The following ELOVL6 variants were observed in gnomAD, a reference collection of about 807,000 sequenced individuals.
ELOVL6 encodes ELOVL fatty acid elongase 6.
In ELOVL6, 8 loss-of-function variants were observed where a neutral mutation model predicts 31.7. The observed-to-expected ratio is 0.25, with a 90% confidence interval of 0.15 to 0.45. The LOEUF (loss-of-function observed/expected upper bound fraction) is 0.45. ELOVL6 is among the 20% of genes least tolerant of loss of function. The probability of loss-of-function intolerance (pLI) is 1.00; values close to 1 mark genes in which losing one functional copy is unlikely to be tolerated. For missense variants in ELOVL6, 126 were observed against 326.4 expected, an observed-to-expected ratio of 0.39 and a Z score of 4.73; for synonymous variants, 101 against 117.7, an observed-to-expected ratio of 0.86 and a Z score of 0.92.
At chr4:110,196,487 C>T (rs947241153) in intron 1 of ELOVL6, among the ~76,000 whole-genome samples, 4 of 152,226 alleles carry the variant, frequency 2.6e-5, no homozygotes, top group Admixed American at 6.5e-5. Context: ...AGAGAAGGAC[C>T]CCGGGCGGTG....
intron 1 of ELOVL6, among the ~76,000 whole-genome samples, chr4:110,179,878 C>A (rs899941352): frequency 2.6e-5 from 4 of 152,194 alleles, no homozygotes; most frequent in African/African-American, 9.7e-5. Flanking sequence ...ACCATTAGCA[C>A]CTAATTTTAG....
chr4:110,158,657 A>ATATATATATATATATAT, intron 1 of ELOVL6, among the ~76,000 whole-genome samples: 11 of 74,158 alleles, frequency 1.5e-4, no homozygotes, highest in African/African-American at 6.6e-4. Context: ...ATATATATAT[A>ATATATATATATATATAT]TTTTTTTTTT....
At chr4:110,107,775 CT>C (rs745864331) in intron 1 of ELOVL6, among the ~76,000 whole-genome samples, 19 of 152,142 alleles carry the variant, frequency 1.2e-4, no homozygotes, top group African/African-American at 2.6e-4. Context: ...AAAGTATATA[CT>C]TTTTTTCTAA....
chr4:110,050,012 A>C lies in ELOVL6; in HGVS notation c.*1326T>G, dbSNP rs893579111. 2.6e-5 allele frequency: 4 copies of C among 152,366 alleles called. No homozygotes were observed. The highest frequency in any genetic ancestry group is 9.7e-5 in the African/African-American group (4 of 41,386). The allele number at this position is 152,366 out of a possible 1,614,324, so 9.4% of individuals were successfully genotyped here. Reference sequence around the variant, plus strand: ...AATATCTTCTGATTTGGCCAAAGACATGACAAGTATTTCATATCACTTAAA... The same window carrying C: ...AATATCTTCTGATTTGGCCAAAGACCTGACAAGTATTTCATATCACTTAAA... On this transcript the variant is annotated 3_prime_UTR_variant, in exon 4 of 4. Transcript: ENST00000302274.
At chr4:110,099,952 C>A (rs73839570) in intron 2 of ELOVL6, among the ~76,000 whole-genome samples, 13,746 of 152,182 alleles carry the variant, frequency 0.09, 1,387 homozygotes, top group African/African-American at 0.24. Flanking sequence ...TCTTTGCCAC[C>A]AGGAGCAATC....
chr4:110,122,907 C>T (rs956176483), intron 1 of ELOVL6, among the ~76,000 whole-genome samples: 1 of 152,216 alleles, frequency 6.6e-6, no homozygotes, highest in Non-Finnish European at 1.5e-5. Context: ...TCCCTGACTG[C>T]TTCTAGGTCA....
chr4:110,183,850 TG>T (rs1178887022), intron 1 of ELOVL6, among the ~76,000 whole-genome samples: 3 of 151,928 alleles, frequency 2.0e-5, no homozygotes, highest in Non-Finnish European at 4.4e-5. Context: ...TGCGTGGTGG[TG>T]TATGCCTGTG....
At chr4:110,098,446 A>C (rs573150037) in intron 2 of ELOVL6, among the ~76,000 whole-genome samples, 54 of 152,242 alleles carry the variant, frequency 3.5e-4, no homozygotes, top group African/African-American at 1.2e-3. Flanking sequence ...CTTTTTATCA[A>C]AGCTATTTTT....
At chr4:110,124,367 A>C (rs577705252) in intron 1 of ELOVL6, among the ~76,000 whole-genome samples, 47 of 152,338 alleles carry the variant, frequency 3.1e-4, no homozygotes, top group African/African-American at 1.1e-3. Context: ...ATGGAACACT[A>C]TGCAGCCATA....
chr4:110,057,874 A>T (rs1322907122), intron 3 of ELOVL6, among the ~76,000 whole-genome samples: 1 of 151,888 alleles, frequency 6.6e-6, no homozygotes, highest in Non-Finnish European at 1.5e-5. Flanking sequence ...AAAAAAAAAA[A>T]ATCACAAAAC....
chr4:110,138,990 T>C (rs1757880012), intron 1 of ELOVL6, among the ~76,000 whole-genome samples: 2 of 152,152 alleles, frequency 1.3e-5, no homozygotes, highest in Non-Finnish European at 2.9e-5. Context: ...TGGATAGATA[T>C]AGATATGTGT....
intron 1 of ELOVL6, among the ~76,000 whole-genome samples, chr4:110,154,115 C>T (rs1183156085): frequency 2.0e-5 from 3 of 152,142 alleles, no homozygotes; most frequent in Non-Finnish European, 4.4e-5. Flanking sequence ...CTTACTCTGT[C>T]ACCCAGGGTG....
intron 2 of ELOVL6, among the ~76,000 whole-genome samples, chr4:110,084,127 AT>A (rs1434989311): frequency 1.6e-5 from 1 of 63,538 alleles, no homozygotes; most frequent in Non-Finnish European, 2.5e-5. Flanking sequence ...TATAACATAT[AT>A]GTGATAATGA....
chr4:110,114,354 T>A (rs956926300), intron 1 of ELOVL6, among the ~76,000 whole-genome samples: 3 of 152,196 alleles, frequency 2.0e-5, no homozygotes, highest in Non-Finnish European at 2.9e-5. Flanking sequence ...TTCTTTTTTT[T>A]AGATCTTCTT....
intron 1 of ELOVL6, among the ~76,000 whole-genome samples, chr4:110,184,035 T>C (rs1759372369): frequency 6.6e-6 from 1 of 152,188 alleles, no homozygotes; most frequent in Non-Finnish European, 1.5e-5. Flanking sequence ...TCTCTCTGAT[T>C]GGAATAGATA....
At chr4:110,164,561 G>A (rs1412406229) in intron 1 of ELOVL6, among the ~76,000 whole-genome samples, 3 of 151,826 alleles carry the variant, frequency 2.0e-5, no homozygotes, top group African/African-American at 4.8e-5. Context: ...GCAACGTGGC[G>A]AAAGCCCATC....
rs200586903 is a variant in ELOVL6, at chr4:110,084,313, CAT to C, written c.221+21182_221+21183del. On this transcript the variant is annotated intron_variant, in intron 2 of 3. Coordinates refer to ENST00000302274, the MANE Select transcript of ELOVL6 (RefSeq NM_024090.3). The stretch of plus-strand genomic sequence containing the variant: ...CTTATATATGATATATAACATATAA[CAT>C]ATATAAATTTGATATATATCACATA... Among the ~76,000 whole-genome samples, 255 of 52,148 alleles carry C rather than the reference CAT, an allele frequency of 4.9e-3. 26 individuals are homozygous for C. Among genetic ancestry groups the C allele is most frequent in the African/African-American group, 0.019 (187 of 9,916 alleles). The allele number at this position is 52,148 out of a possible 152,430, so 34.2% of individuals were successfully genotyped here.
At chr4:110,112,996 A>G (rs1183361956) in intron 1 of ELOVL6, among the ~76,000 whole-genome samples, 1 of 152,060 alleles carries the variant, frequency 6.6e-6, no homozygotes, top group Non-Finnish European at 1.5e-5. Context: ...AGGCTGAGGC[A>G]GGCAGATCAC....
chr4:110,133,843 A>T (rs934772149), intron 1 of ELOVL6, among the ~76,000 whole-genome samples: 1 of 152,260 alleles, frequency 6.6e-6, no homozygotes, highest in Admixed American at 6.5e-5. Context: ...GGCACTGATT[A>T]AATGTCTATT....
Sources: allele counts gnomAD v4.1 joint callset (sites outside exome capture counted in the v4.1 genomes callset), GRCh38; gene constraint gnomAD v4.1.1; transcripts MANE v1.5; gene names NCBI Gene and HGNC (gene_info 2026-07-23, HGNC 2026-07-21).